CDC42EP3: variants seen among roughly 807,000 people sequenced by gnomAD.
CDC42EP3 encodes CDC42 effector protein (Rho GTPase binding) 3.
In CDC42EP3, 4 loss-of-function variants were observed where a neutral mutation model predicts 15.5. The ratio of observed to expected loss-of-function variants is 0.26; its 90% confidence interval spans 0.13 to 0.59. The LOEUF (loss-of-function observed/expected upper bound fraction) is 0.59. CDC42EP3 is among the 20% of genes least tolerant of loss of function. The pLI is 0.89. For synonymous variants in CDC42EP3, 145 were observed against 130.3 expected (o/e 1.11, Z -0.77); for missense variants, 309 against 311.2 (o/e 0.99, Z 0.05).
At chr2:37,659,065 C>T (rs998035743) in intron 1 of CDC42EP3, among the ~76,000 whole-genome samples, 2 of 152,238 alleles carry the variant, frequency 1.3e-5, no homozygotes, top group African/African-American at 4.8e-5. Flanking sequence ...GCTCCCATAG[C>T]GTCCTGTGTA....
chr2:37,645,748 C>T lies in CDC42EP3; in HGVS notation c.*75G>A, dbSNP rs1211584372. The T allele has an allele frequency of 1.3e-5, 15 of 1,188,172 alleles. No individual in the cohort carries two copies. Among genetic ancestry groups the T allele is most frequent in the East Asian group, 4.9e-5 (2 of 40,660 alleles). 73.6% of individuals were successfully genotyped at this position (1,188,172 alleles called of 1,614,324 possible). A position where few individuals can be genotyped will look rare whatever the true frequency, so the allele number is the denominator to read the frequency against. On this transcript the variant is annotated 3_prime_UTR_variant, in exon 2 of 2. Transcript: ENST00000295324. ...CAACACAAAACTGCAAATACAGCTC[C>T]GGAAGCCCTTCTCTTCAACTGTGGT...
At chr2:37,668,822 G>A (rs964330661) in intron 1 of CDC42EP3, among the ~76,000 whole-genome samples, 1 of 152,122 alleles carries the variant, frequency 6.6e-6, no homozygotes, top group Non-Finnish European at 1.5e-5. Flanking sequence ...CACATAGGAC[G>A]GGCTCCACTT....
At chr2:37,657,275 C>G (rs1427835378) in intron 1 of CDC42EP3, among the ~76,000 whole-genome samples, 1 of 152,166 alleles carries the variant, frequency 6.6e-6, no homozygotes, top group Non-Finnish European at 1.5e-5. Flanking sequence ...AGATGCACTT[C>G]CTTCCTGGAG....
chr2:37,644,084 G>C lies in CDC42EP3; in HGVS notation c.*1739C>G, dbSNP rs919116233. ...TGGCCCAAGAAAATTCTTCCAATGC[G>C]GTCCAGGGAAGCTAAAATATTGGAC... On this transcript the variant is annotated 3_prime_UTR_variant, in exon 2 of 2. Coordinates refer to ENST00000295324, the MANE Select transcript of CDC42EP3 (RefSeq NM_006449.5). 1 of 150,888 alleles carries C rather than the reference G, an allele frequency of 6.6e-6. No homozygotes were observed. The highest frequency in any genetic ancestry group is 6.6e-5 in the Admixed American group (1 of 15,114). The allele number at this position is 150,888 out of a possible 1,614,324, so 9.3% of individuals were successfully genotyped here.
At chr2:37,663,788 A>G (rs973039141) in intron 1 of CDC42EP3, among the ~76,000 whole-genome samples, 3 of 152,062 alleles carry the variant, frequency 2.0e-5, no homozygotes, top group Non-Finnish European at 4.4e-5. Flanking sequence ...GCCAAAGGAG[A>G]TTAACATTTG....
chr2:37,671,089 G>A (rs567526169), intron 1 of CDC42EP3, among the ~76,000 whole-genome samples: 3 of 152,330 alleles, frequency 2.0e-5, no homozygotes, highest in Admixed American at 2.0e-4. Context: ...GTAGCCAAGC[G>A]CGGCTTGTTC....
intron 1 of CDC42EP3, among the ~76,000 whole-genome samples, chr2:37,662,744 T>A (rs1666104721): frequency 6.6e-6 from 1 of 152,008 alleles, no homozygotes; most frequent in African/African-American, 2.4e-5. Context: ...AAATCAACAC[T>A]CTTTAGGAAG....
chr2:37,657,536 AGCT>A (rs981185565), intron 1 of CDC42EP3, among the ~76,000 whole-genome samples: 1 of 152,118 alleles, frequency 6.6e-6, no homozygotes, highest in African/African-American at 2.4e-5. Context: ...CCTCCTCTTG[AGCT>A]GGGGACACAG....
At chr2:37,665,361 A>T (rs1666218396) in intron 1 of CDC42EP3, among the ~76,000 whole-genome samples, 1 of 152,174 alleles carries the variant, frequency 6.6e-6, no homozygotes, top group Non-Finnish European at 1.5e-5. Flanking sequence ...GAGAAGGGGA[A>T]GGATTTGTTT....
chr2:37,645,927 C>G lies in CDC42EP3; in HGVS notation c.661G>C (p.Glu221Gln), dbSNP rs916996426. 1 of 1,613,656 alleles carries G rather than the reference C, an allele frequency of 6.2e-7. No individual in the cohort carries two copies. The highest frequency in any genetic ancestry group is 1.3e-5 in the African/African-American group (1 of 74,918). Residue 221 changes from glutamate (E) to glutamine (Q), a missense_variant, in exon 2 of 2, where the codon GAG becomes CAG. Physicochemically the swap from Glu to Gln is conservative, Grantham distance 29 (BLOSUM62 2). Transcript: ENST00000295324. ...CCTGTAAGGTCAGAGAGGGACTCCT[C>G]TGACTTAGTCTTTCCCTTGATGAGC... is the stretch of plus-strand genomic sequence containing the variant. ...CELIKGKTKSEESLSDLTGSL... is the reference protein window; with the variant it reads ...CELIKGKTKSQESLSDLTGSL...
intron 1 of CDC42EP3, among the ~76,000 whole-genome samples, chr2:37,661,884 T>C (rs960340628): frequency 4.6e-5 from 7 of 152,168 alleles, no homozygotes; most frequent in Non-Finnish European, 1.0e-4. Context: ...GATTTTCTTT[T>C]CCTTGGCTTA....
rs893194598 is a variant in CDC42EP3 at position 37,644,222 on chromosome 2, A to T, written c.*1601T>A. On this transcript the variant is annotated 3_prime_UTR_variant, in exon 2 of 2. Transcript: ENST00000295324. ...AGAACTGCAAGAACCCCAAACCCAA[A>T]GAAAGAATCGTTGAAGTGGTTGGGA... is the stretch of plus-strand genomic sequence containing the variant. The T allele has an allele frequency of 1.3e-5, 2 of 152,202 alleles. No homozygotes were observed. The highest frequency in any genetic ancestry group is 4.8e-5 in the African/African-American group (2 of 41,448). The allele number at this position is 152,202 out of a possible 1,614,324, so 9.4% of individuals were successfully genotyped here. A position where few individuals can be genotyped will look rare whatever the true frequency, so the allele number is the denominator to read the frequency against.
intron 1 of CDC42EP3, among the ~76,000 whole-genome samples, chr2:37,648,150 G>A (rs1306903373): frequency 6.6e-6 from 1 of 152,216 alleles, no homozygotes; most frequent in East Asian, 1.9e-4. Flanking sequence ...TTTTGCCAAT[G>A]AGATGCTCTT....
At chr2:37,658,844 C>T (rs766824552) in intron 1 of CDC42EP3, among the ~76,000 whole-genome samples, 40 of 149,418 alleles carry the variant, frequency 2.7e-4, no homozygotes, top group Admixed American at 2.1e-3. Context: ...CCTGCCTCCC[C>T]GGTCCTTCCA....
intron 1 of CDC42EP3, among the ~76,000 whole-genome samples, chr2:37,667,721 A>C (rs1481480526): frequency 6.6e-6 from 1 of 152,258 alleles, no homozygotes; most frequent in Non-Finnish European, 1.5e-5. Flanking sequence ...TGTGAGATAC[A>C]GGGTGATATG....
chr2:37,648,891 G>A (rs1234130560), intron 1 of CDC42EP3, among the ~76,000 whole-genome samples: 1 of 151,884 alleles, frequency 6.6e-6, no homozygotes, highest in Admixed American at 6.5e-5. Flanking sequence ...AGGAGCAGCT[G>A]GGTGGCCTGA....
rs981874486 is a variant in CDC42EP3, at chr2:37,642,090, G to T, written c.*3733C>A. On this transcript the variant is annotated 3_prime_UTR_variant, in exon 2 of 2. Transcript: ENST00000295324. Reference sequence around the variant, plus strand: ...AGCTGAAAAATATTTAGATCTACTTGCTCTAAGAATAAGGTCAACATTAAA... The same window carrying T: ...AGCTGAAAAATATTTAGATCTACTTTCTCTAAGAATAAGGTCAACATTAAA... The T allele has an allele frequency of 5.3e-5, 8 of 152,106 alleles. No homozygotes were observed. The highest frequency in any genetic ancestry group is 1.9e-4 in the African/African-American group (8 of 41,408). The allele number at this position is 152,106 out of a possible 1,614,324, so 9.4% of individuals were successfully genotyped here. A position where few individuals can be genotyped will look rare whatever the true frequency, so the allele number is the denominator to read the frequency against.
chr2:37,648,845 C>T (rs1433258635), intron 1 of CDC42EP3, among the ~76,000 whole-genome samples: 1 of 151,946 alleles, frequency 6.6e-6, no homozygotes, highest in African/African-American at 2.4e-5. Context: ...GAGGTGGCCT[C>T]CCTGCCCTTT....
chr2:37,669,438 T>TA (rs1347757694), intron 1 of CDC42EP3, among the ~76,000 whole-genome samples: 1 of 152,228 alleles, frequency 6.6e-6, no homozygotes, highest in Non-Finnish European at 1.5e-5. Context: ...CAATCACTGT[T>TA]ACGGCTTTGT....
Sources: allele counts gnomAD v4.1 joint callset (sites outside exome capture counted in the v4.1 genomes callset), GRCh38; gene constraint gnomAD v4.1.1; transcripts MANE v1.5; gene names NCBI Gene and HGNC (gene_info 2026-07-23, HGNC 2026-07-21).